The following PTPRJ variants were observed in gnomAD, a reference collection of about 807,000 sequenced individuals.
PTPRJ encodes the protein protein tyrosine phosphatase receptor type J.
In PTPRJ, 129 loss-of-function variants were observed where a neutral mutation model predicts 141.3. That is an observed-to-expected ratio of 0.91 (90% CI 0.79 to 1.06). The LOEUF (loss-of-function observed/expected upper bound fraction) is 1.06. Among genes scored for constraint, PTPRJ ranks in the 50% least tolerant of loss-of-function variants. PTPRJ has a pLI of 0.00. For synonymous variants in PTPRJ, 610 were observed against 640.5 expected, an observed-to-expected ratio of 0.95 and a Z score of 0.72; for missense variants, 1,601 against 1,679.7, an observed-to-expected ratio of 0.95 and a Z score of 0.82.
intron 1 of PTPRJ, among the ~76,000 whole-genome samples, chr11:48,006,636 C>G (rs1854631385): frequency 6.6e-6 from 1 of 152,180 alleles, no homozygotes; most frequent in Non-Finnish European, 1.5e-5. Flanking sequence ...CTGGCACACC[C>G]CTCCCTCATT....
chr11:48,131,807 T>G (rs1590541630), intron 8 of PTPRJ: 6 of 352,360 alleles, frequency 1.7e-5, no homozygotes, highest in Middle Eastern at 1.4e-3. Flanking sequence ...CAGGGCTCTC[T>G]AGGGATCCCT....
Position 48,150,009 on chromosome 11 carries a change from T to G in PTPRJ, c.3050+11T>G. 1 of 1,493,580 alleles carries G rather than the reference T, an allele frequency of 6.7e-7. No homozygotes were observed. Among genetic ancestry groups the G allele is most frequent in the Non-Finnish European group, 9.3e-7 (1 of 1,078,232 alleles). 92.5% of individuals were successfully genotyped at this position (1,493,580 alleles called of 1,614,324 possible). A position where few individuals can be genotyped will look rare whatever the true frequency, so the allele number is the denominator to read the frequency against. ...ATGAAGACCTAAAAAGTGAGTAATCTCTTTATTTTTTTTAATAACTTGTAC... is the reference window on the plus strand; with the variant it reads ...ATGAAGACCTAAAAAGTGAGTAATCGCTTTATTTTTTTTAATAACTTGTAC... On this transcript the variant is annotated intron_variant, in intron 17 of 24. Coordinates refer to ENST00000418331, the MANE Select transcript of PTPRJ (RefSeq NM_002843.4).
intron 1 of PTPRJ, among the ~76,000 whole-genome samples, chr11:47,981,373 T>G (rs1274643856): frequency 2.0e-5 from 3 of 152,064 alleles, no homozygotes; most frequent in Non-Finnish European, 4.4e-5. Flanking sequence ...GGGGCGTGTT[T>G]GCGGAGGTCT....
chr11:48,085,727 G>A (rs1045699760), intron 1 of PTPRJ, among the ~76,000 whole-genome samples: 1 of 152,208 alleles, frequency 6.6e-6, no homozygotes, highest in Non-Finnish European at 1.5e-5. Context: ...AGACCAAAAA[G>A]TTTAAGATGT....
intron 1 of PTPRJ, among the ~76,000 whole-genome samples, chr11:48,056,881 G>T (rs1427161621): frequency 6.6e-6 from 1 of 152,200 alleles, no homozygotes; most frequent in African/African-American, 2.4e-5. Context: ...TTGACTCCGG[G>T]AGGAGGAGGT....
intron 1 of PTPRJ, among the ~76,000 whole-genome samples, chr11:48,024,154 CTGTT>C (rs1164352129): frequency 6.6e-6 from 1 of 151,986 alleles, no homozygotes; most frequent in Non-Finnish European, 1.5e-5. Context: ...CCCAAATAGA[CTGTT>C]TGCTCATTGA....
chr11:48,051,084 CTTTTTTTTTTTTTTTTTT>C (rs59987198), intron 1 of PTPRJ, among the ~76,000 whole-genome samples: 1 of 79,318 alleles, frequency 1.3e-5, no homozygotes, highest in South Asian at 4.8e-4. Context: ...TAACTGATGA[CTTTTTTTTTTTTTTTTTT>C]TTTTTTTTTT....
At chr11:47,987,664 A>G (rs147121848) in intron 1 of PTPRJ, among the ~76,000 whole-genome samples, 2,175 of 152,280 alleles carry the variant, frequency 0.014, 30 homozygotes, top group South Asian at 0.059. Flanking sequence ...GAGATCCCTG[A>G]AAGTGGTGAA....
intron 2 of PTPRJ, among the ~76,000 whole-genome samples, chr11:48,110,930 C>T (rs1461838588): frequency 6.6e-5 from 10 of 152,188 alleles, no homozygotes; most frequent in Admixed American, 4.6e-4. Flanking sequence ...GTTGAAAGCA[C>T]CATCCATCCC....
At chr11:48,011,971 T>C (rs1854804924) in intron 1 of PTPRJ, among the ~76,000 whole-genome samples, 2 of 152,178 alleles carry the variant, frequency 1.3e-5, no homozygotes, top group African/African-American at 2.4e-5. Flanking sequence ...GCCTCAGTTT[T>C]TAAAAATACT....
intron 8 of PTPRJ, among the ~76,000 whole-genome samples, chr11:48,131,068 ATATTTTTT>A (rs1381711216): frequency 1.9e-5 from 2 of 103,154 alleles, no homozygotes; most frequent in Non-Finnish European, 3.7e-5. Flanking sequence ...ATATATATAT[ATATTTTTT>A]TTTTTTTTTT....
chr11:48,115,182 A>G (rs1176711497), intron 3 of PTPRJ, among the ~76,000 whole-genome samples: 1 of 152,244 alleles, frequency 6.6e-6, no homozygotes, highest in East Asian at 1.9e-4. Context: ...GGAGAAAGAT[A>G]TAAATATCCA....
chr11:48,106,285 T>C (rs1407661480), intron 1 of PTPRJ, among the ~76,000 whole-genome samples: 1 of 152,154 alleles, frequency 6.6e-6, no homozygotes, highest in East Asian at 1.9e-4. Context: ...TACACGGCCG[T>C]AGATACAACC....
In PTPRJ at chr11:48,073,607, G is replaced by A. The variant is rs114703148; in HGVS notation, c.97-36451G>A. On this transcript the variant is annotated intron_variant, in intron 1 of 24. Coordinates refer to ENST00000418331, the MANE Select transcript of PTPRJ (RefSeq NM_002843.4). ...ATCAACTGTAACTTGAAAATTTCCA[G>A]ACTTAGGACTTTTGGACTCATAGTG... Among the ~76,000 whole-genome samples the A allele has an allele frequency of 3.5e-3, 535 of 151,860 alleles. 3 individuals are homozygous for A. Among genetic ancestry groups the A allele is most frequent in the African/African-American group, 0.012 (515 of 41,386 alleles).
chr11:48,121,827 A>G (rs924164647), intron 4 of PTPRJ, among the ~76,000 whole-genome samples: 2 of 152,156 alleles, frequency 1.3e-5, no homozygotes, highest in African/African-American at 4.8e-5. Context: ...AGAACCAAAC[A>G]TTTTAAAAAA....
chr11:48,008,620 A>C (rs937320481), intron 1 of PTPRJ, among the ~76,000 whole-genome samples: 1 of 149,628 alleles, frequency 6.7e-6, no homozygotes, highest in Admixed American at 6.7e-5. Context: ...GCTGGAGTGC[A>C]ATGGTGTGGT....
chr11:48,065,221 T>G (rs1855053512), intron 1 of PTPRJ, among the ~76,000 whole-genome samples: 1 of 151,464 alleles, frequency 6.6e-6, no homozygotes. Flanking sequence ...TCCATGTTGG[T>G]CAGGCTGGTC....
intron 1 of PTPRJ, among the ~76,000 whole-genome samples, chr11:48,101,704 A>G (rs1856153597): frequency 6.6e-6 from 1 of 152,200 alleles, no homozygotes; most frequent in Non-Finnish European, 1.5e-5. Context: ...TGAACACAGC[A>G]AGCATTTGGT....
At chr11:48,022,246 C>T (rs567332933) in intron 1 of PTPRJ, among the ~76,000 whole-genome samples, 1 of 152,016 alleles carries the variant, frequency 6.6e-6, no homozygotes, top group African/African-American at 2.4e-5. Flanking sequence ...AGGCAGATCA[C>T]CTGAGGTCAG....
Sources: gnomAD v4.1 joint callset for allele counts (sites outside exome capture counted in the v4.1 genomes callset) on GRCh38, gnomAD v4.1.1 for gene constraint, MANE v1.5 for transcripts, NCBI Gene and HGNC (gene_info 2026-07-23, HGNC 2026-07-21) for gene names.